Variants in TRDN observed in about 807,000 individuals in gnomAD.
The protein encoded by TRDN is triadin in skeletal muscle.
TRDN carries 161 observed loss-of-function variants against 149.7 expected under a neutral mutation model. The observed-to-expected ratio is 1.08, with a 90% CI of 0.95 to 1.23. TRDN has a LOEUF of 1.23. Among genes scored for constraint, TRDN ranks in the 50% most tolerant of loss-of-function variants. TRDN has a pLI of 0.00. For synonymous variants in TRDN, 294 were observed against 250.5 expected (o/e 1.17, Z -1.64); for missense variants, 896 against 823.5 (o/e 1.09, Z -1.08).
chr6:123,324,181 C>T (rs992307277), intron 23 of TRDN, among the ~76,000 whole-genome samples: 2 of 151,988 alleles, frequency 1.3e-5, no homozygotes, highest in African/African-American at 2.4e-5. Context: ...GTACCAGTAT[C>T]GATTTTCTTG....
chr6:123,470,847 A>G (rs1437743469), intron 9 of TRDN: 1 of 152,238 alleles, frequency 6.6e-6, no homozygotes, highest in African/African-American at 2.4e-5. Flanking sequence ...CTTGGACTAC[A>G]TAGGAGTAGT....
chr6:123,499,719 A>AAAAAAATATATATATATATATAT, intron 8 of TRDN, among the ~76,000 whole-genome samples: 4 of 47,608 alleles, frequency 8.4e-5, no homozygotes, highest in East Asian at 5.2e-4. Context: ...AAAAAAAAAA[A>AAAAAAATATATATATATATATAT]ATATATATAT....
intron 12 of TRDN, 65 bp downstream of exon 12, chr6:123,437,998 G>T: frequency 7.4e-7 from 1 of 1,349,552 alleles, no homozygotes; most frequent in East Asian, 2.4e-5. Flanking sequence ...TGTTGCATGA[G>T]GAGTCTTTCA....
chr6:123,393,082 A>C (rs901730453), intron 13 of TRDN, among the ~76,000 whole-genome samples: 1 of 152,086 alleles, frequency 6.6e-6, no homozygotes, highest in Admixed American at 6.6e-5. Context: ...TCATGGTGTG[A>C]GACGAAACCA....
intron 38 of TRDN, among the ~76,000 whole-genome samples, chr6:123,231,492 T>C (rs1775599323): frequency 6.6e-6 from 1 of 151,968 alleles, no homozygotes; most frequent in African/African-American, 2.4e-5. Context: ...ATTAGGAATA[T>C]AGAATGTTCA....
At chr6:123,523,545 A>G (rs945010795) in intron 5 of TRDN, among the ~76,000 whole-genome samples, 1 of 152,162 alleles carries the variant, frequency 6.6e-6, no homozygotes, top group Non-Finnish European at 1.5e-5. Context: ...AAGTGACTGG[A>G]TTAGCATGGA....
chr6:123,564,240 T>C (rs1782159365), intron 2 of TRDN, among the ~76,000 whole-genome samples: 1 of 152,132 alleles, frequency 6.6e-6, no homozygotes, highest in East Asian at 1.9e-4. Flanking sequence ...CCTGGGGTAG[T>C]GAGCAGAAAA....
At chr6:123,328,626 C>T (rs1467457703) in intron 23 of TRDN, among the ~76,000 whole-genome samples, 1 of 152,102 alleles carries the variant, frequency 6.6e-6, no homozygotes, top group Non-Finnish European at 1.5e-5. Flanking sequence ...CTGAACAAGT[C>T]TCTATTTCAA....
At chr6:123,228,990 A>AT (rs2114517025) in intron 38 of TRDN, among the ~76,000 whole-genome samples, 1 of 151,974 alleles carries the variant, frequency 6.6e-6, no homozygotes, top group East Asian at 1.9e-4. Context: ...TAAGCATAAT[A>AT]TTTTTTCTGT....
At chr6:123,599,194 G>C (rs1444047144) in intron 1 of TRDN, among the ~76,000 whole-genome samples, 1 of 152,062 alleles carries the variant, frequency 6.6e-6, no homozygotes, top group East Asian at 1.9e-4. Flanking sequence ...ATGTCTCTCT[G>C]AGGGGAAATT....
At chr6:123,305,156 T>A (rs1778561366) in intron 24 of TRDN, among the ~76,000 whole-genome samples, 1 of 152,116 alleles carries the variant, frequency 6.6e-6, no homozygotes, top group Admixed American at 6.6e-5. Context: ...TGTCCAAAAT[T>A]TCTGACTTCA....
At chr6:123,447,356 A>C (rs1468128446) in intron 10 of TRDN, among the ~76,000 whole-genome samples, 2 of 152,224 alleles carry the variant, frequency 1.3e-5, no homozygotes, top group East Asian at 1.9e-4. Context: ...TAGGTGTGAC[A>C]GCAGTAAGTA....
chr6:123,614,125 A>C (rs1259861266), intron 1 of TRDN, among the ~76,000 whole-genome samples: 2 of 151,906 alleles, frequency 1.3e-5, no homozygotes, highest in Admixed American at 1.3e-4. Flanking sequence ...GCTCCATCCC[A>C]GAACTACTAA....
intron 24 of TRDN, among the ~76,000 whole-genome samples, chr6:123,311,577 A>C (rs1010781213): frequency 1.3e-5 from 2 of 151,978 alleles, no homozygotes; most frequent in African/African-American, 2.4e-5. Flanking sequence ...GAAGTGGTCT[A>C]CTTGCCCCCA....
At chr6:123,390,507 C>G (rs1393292041) in intron 13 of TRDN, among the ~76,000 whole-genome samples, 2 of 152,140 alleles carry the variant, frequency 1.3e-5, no homozygotes, top group African/African-American at 4.8e-5. Context: ...TTGACCTATT[C>G]CATCATAACT....
intron 2 of TRDN, among the ~76,000 whole-genome samples, chr6:123,559,451 A>T (rs1225225477): frequency 6.6e-6 from 1 of 151,872 alleles, no homozygotes; most frequent in African/African-American, 2.4e-5. Context: ...GCTACATCTC[A>T]TTGCTGCCCT....
intron 6 of TRDN, among the ~76,000 whole-genome samples, chr6:123,515,083 A>G (rs934744861): frequency 1.2e-4 from 18 of 152,096 alleles, no homozygotes; most frequent in Non-Finnish European, 1.5e-5. Flanking sequence ...CTTAAAGTAA[A>G]ATTTAAAAAA....
intron 26 of TRDN, among the ~76,000 whole-genome samples, chr6:123,277,702 A>G (rs538606618): frequency 6.6e-6 from 1 of 152,268 alleles, no homozygotes; most frequent in African/African-American, 2.4e-5. Context: ...TTCTCTCTAC[A>G]GATTTCATGG....
chr6:123,549,851 G>T (rs1259216124), intron 2 of TRDN, among the ~76,000 whole-genome samples: 1 of 151,974 alleles, frequency 6.6e-6, no homozygotes, highest in African/African-American at 2.4e-5. Flanking sequence ...TTCCAGTGTG[G>T]CTGTGATGTG....
Sources: allele counts gnomAD v4.1 joint callset (sites outside exome capture counted in the v4.1 genomes callset), GRCh38; gene constraint gnomAD v4.1.1; transcripts MANE v1.5; gene names NCBI Gene and HGNC (gene_info 2026-07-23, HGNC 2026-07-21).